FMN2: variants seen among roughly 807,000 people sequenced by gnomAD.
The protein encoded by FMN2 is formin-2.
A neutral mutation model predicts 142.3 loss-of-function variants in FMN2; 51 were observed. That is an observed-to-expected ratio of 0.36 (90% CI 0.29 to 0.45). The LOEUF (loss-of-function observed/expected upper bound fraction) is 0.45. FMN2 is among the 20% of genes least tolerant of loss of function. The probability of loss-of-function intolerance (pLI) is 1.00; values close to 1 mark genes in which losing one functional copy is unlikely to be tolerated. For synonymous variants in FMN2, 882 were observed against 869.8 expected, an observed-to-expected ratio of 1.01 and a Z score of -0.25; for missense variants, 1,936 against 2,122.8, an observed-to-expected ratio of 0.91 and a Z score of 1.73.
intron 8 of FMN2, 75 bp downstream of exon 8, chr1:240,294,958 C>T: frequency 3.0e-6 from 4 of 1,351,670 alleles, no homozygotes; most frequent in Non-Finnish European, 4.1e-6. Flanking sequence ...CATATAGGCT[C>T]TTTGTTTTAA....
At chr1:240,264,720 T>C (rs1668741351) in intron 7 of FMN2, among the ~76,000 whole-genome samples, 1 of 152,224 alleles carries the variant, frequency 6.6e-6, no homozygotes, top group Non-Finnish European at 1.5e-5. Flanking sequence ...CTTATTCTTT[T>C]TTATGGCTGC....
At chr1:240,258,277 C>T (rs1313725916) in intron 7 of FMN2, among the ~76,000 whole-genome samples, 1 of 152,094 alleles carries the variant, frequency 6.6e-6, no homozygotes, top group East Asian at 1.9e-4. Flanking sequence ...TATCTTAGTT[C>T]AGGCTACTAT....
chr1:240,268,705 A>G (rs1435633645), intron 7 of FMN2, among the ~76,000 whole-genome samples: 18 of 151,962 alleles, frequency 1.2e-4, no homozygotes, highest in Admixed American at 1.2e-3. Flanking sequence ...AATATAAAGT[A>G]TAAGAACACT....
In FMN2 at chr1:240,296,438, CT is replaced by C. The variant is rs772711130; in HGVS notation, c.4215+1579del. Among the ~76,000 whole-genome samples the C allele has an allele frequency of 6.5e-3, 306 of 46,926 alleles. 3 individuals carry two copies. In the East Asian group the frequency reaches 0.092, roughly 14 times the overall value. The allele number at this position is 46,926 out of a possible 152,430, so 30.8% of individuals were successfully genotyped here. A position where few individuals can be genotyped will look rare whatever the true frequency, so the allele number is the denominator to read the frequency against. The stretch of plus-strand genomic sequence containing the variant: ...ATTTTGGGTCTAATATCTTTGAGTG[CT>C]TTTTTTTTTTTTTTTTTTTTTTTAC... On this transcript the variant is annotated intron_variant, in intron 8 of 17. Transcript: ENST00000319653.
chr1:240,176,854 C>A (rs1664939302), intron 2 of FMN2, among the ~76,000 whole-genome samples: 1 of 152,178 alleles, frequency 6.6e-6, no homozygotes. Flanking sequence ...CAGTTAGGAC[C>A]AATGACTGTC....
At chr1:240,313,293 G>A (rs927666187) in intron 8 of FMN2, among the ~76,000 whole-genome samples, 9 of 152,032 alleles carry the variant, frequency 5.9e-5, no homozygotes, top group Non-Finnish European at 8.8e-5. Flanking sequence ...TATGCATAAC[G>A]CCCTTTTCAC....
chr1:240,256,045 A>G (rs1270575873), intron 6 of FMN2, among the ~76,000 whole-genome samples: 3 of 152,278 alleles, frequency 2.0e-5, no homozygotes, highest in East Asian at 1.9e-4. Flanking sequence ...TGTCAATACT[A>G]TAGGGAGGTC....
At chr1:240,243,082 C>T (rs1006442954) in intron 6 of FMN2, among the ~76,000 whole-genome samples, 5 of 151,666 alleles carry the variant, frequency 3.3e-5, no homozygotes, top group African/African-American at 1.2e-4. Flanking sequence ...TAGGAGAATA[C>T]GGTAGTGTAA....
intron 8 of FMN2, among the ~76,000 whole-genome samples, chr1:240,328,172 A>AAAAAAAAAAAAAAAAAAAAAAAAAAAAT (rs1671252675): frequency 7.1e-6 from 1 of 140,844 alleles, no homozygotes; most frequent in Non-Finnish European, 1.6e-5. Flanking sequence ...AAAAAAAAAA[A>AAAAAAAAAAAAAAAAAAAAAAAAAAAAT]GAAAAAGAAA....
At chr1:240,419,562 G>A (rs1558481518) in intron 15 of FMN2, among the ~76,000 whole-genome samples, 2 of 152,176 alleles carry the variant, frequency 1.3e-5, no homozygotes, top group Admixed American at 6.5e-5. Context: ...AGTAATGGAA[G>A]TGGCCATGTG....
chr1:240,149,023 T>G (rs1663649655), intron 2 of FMN2, among the ~76,000 whole-genome samples: 2 of 152,144 alleles, frequency 1.3e-5, no homozygotes, highest in Non-Finnish European at 2.9e-5. Context: ...TGTAATCTTA[T>G]TCAATATATA....
chr1:240,252,895 T>A (rs1668322920), intron 6 of FMN2, among the ~76,000 whole-genome samples: 1 of 151,166 alleles, frequency 6.6e-6, no homozygotes, highest in African/African-American at 2.4e-5. Context: ...TCTGGGACAC[T>A]GAAAATTCAA....
At chr1:240,126,651 A>T (rs1317667379) in intron 2 of FMN2, among the ~76,000 whole-genome samples, 5 of 152,222 alleles carry the variant, frequency 3.3e-5, no homozygotes, top group Non-Finnish European at 5.9e-5. Flanking sequence ...TTAAGATGTC[A>T]AGAACTTTAA....
intron 6 of FMN2, among the ~76,000 whole-genome samples, chr1:240,246,204 A>G (rs962299066): frequency 6.1e-5 from 9 of 146,542 alleles, no homozygotes; most frequent in Non-Finnish European, 1.1e-4. Context: ...AAAATAAATA[A>G]AAAAAGTAGA....
At chr1:240,248,390 CAT>C (rs1668153569) in intron 6 of FMN2, among the ~76,000 whole-genome samples, 1 of 145,320 alleles carries the variant, frequency 6.9e-6, no homozygotes, top group African/African-American at 2.5e-5. Context: ...ATATATATAA[CAT>C]ACATGTTATT....
intron 16 of FMN2, among the ~76,000 whole-genome samples, chr1:240,442,189 C>CT (rs1317761656): frequency 1.3e-5 from 2 of 152,196 alleles, no homozygotes; most frequent in Non-Finnish European, 1.5e-5. Context: ...CACCACCCCT[C>CT]TGTAGCTTAG....
rs529523542 is a variant in FMN2, at chr1:240,173,444, C to T, written c.1783-4477C>T. ...TGACAGGTGTGCTGAGTTAGCTGTC[C>T]CATTCAGGAGTGGCCTTTCAGCAGA... On this transcript the variant is annotated intron_variant, in intron 2 of 17. Transcript: ENST00000319653. Among the ~76,000 whole-genome samples the T allele has an allele frequency of 2.6e-5, 4 of 152,188 alleles. No homozygotes were observed. The South Asian group carries it at 8.3e-4, about 32-fold the overall frequency.
intron 3 of FMN2, among the ~76,000 whole-genome samples, chr1:240,182,572 A>G (rs7528413): frequency 0.19 from 29,324 of 152,176 alleles, 2,958 homozygotes; most frequent in Middle Eastern, 0.28. Flanking sequence ...TTTGTTCCAA[A>G]AAAAGATTTG....
At chr1:240,366,468 G>A (rs950160345) in intron 14 of FMN2, among the ~76,000 whole-genome samples, 2 of 150,882 alleles carry the variant, frequency 1.3e-5, no homozygotes, top group South Asian at 2.1e-4. Flanking sequence ...TTTGCATGTG[G>A]TTCTATTTCA....
Sources: allele counts gnomAD v4.1 joint callset (sites outside exome capture counted in the v4.1 genomes callset), GRCh38; gene constraint gnomAD v4.1.1; transcripts MANE v1.5; gene names NCBI Gene and HGNC (gene_info 2026-07-23, HGNC 2026-07-21).